The following CSMD1 variants were observed in gnomAD, a reference collection of about 807,000 sequenced individuals.
CSMD1 encodes the protein CUB and Sushi multiple domains 1.
CSMD1 carries 213 observed loss-of-function variants against 417.5 expected under a neutral mutation model. The observed-to-expected ratio is 0.51, with a 90% confidence interval of 0.46 to 0.57. CSMD1 has a LOEUF of 0.57. Ranked by LOEUF, CSMD1 falls within the 20% of genes least tolerant of loss-of-function variation. The pLI, the probability that CSMD1 is intolerant of heterozygous loss-of-function variation, is 0.00. For missense variants in CSMD1, 6,923 were observed against 4,529.7 expected (o/e 1.53, Z -15.17); for synonymous variants, 2,862 against 1,736.8 (o/e 1.65, Z -16.11).
intron 3 of CSMD1, among the ~76,000 whole-genome samples, chr8:4,121,953 T>C (rs1316337479): frequency 6.6e-6 from 1 of 152,082 alleles, no homozygotes; most frequent in African/African-American, 2.4e-5. Context: ...GATTAGTGAA[T>C]TTAAATTTTA....
intron 1 of CSMD1, among the ~76,000 whole-genome samples, chr8:4,751,417 G>C (rs1189137094): frequency 6.6e-6 from 1 of 152,016 alleles, no homozygotes; most frequent in African/African-American, 2.4e-5. Flanking sequence ...CAGGAAAAGA[G>C]AGCATCTCTA....
intron 1 of CSMD1, among the ~76,000 whole-genome samples, chr8:4,887,992 G>C (rs907848110): frequency 1.3e-5 from 2 of 151,816 alleles, no homozygotes; most frequent in African/African-American, 2.4e-5. Flanking sequence ...TAACAATATA[G>C]GCTTACATGC....
At chr8:3,836,753 A>C (rs1172836275) in intron 5 of CSMD1, among the ~76,000 whole-genome samples, 2 of 151,970 alleles carry the variant, frequency 1.3e-5, no homozygotes, top group Non-Finnish European at 2.9e-5. Flanking sequence ...TTCAGGGCAA[A>C]AAAATGTATT....
intron 6 of CSMD1, among the ~76,000 whole-genome samples, chr8:3,749,014 A>T (rs1222787735): frequency 6.6e-6 from 1 of 152,250 alleles, no homozygotes; most frequent in Non-Finnish European, 1.5e-5. Flanking sequence ...TTGTAATTTT[A>T]TAAACAGCCG....
At chr8:4,478,326 GTTTAA>G (rs775829379) in intron 2 of CSMD1, among the ~76,000 whole-genome samples, 8 of 152,176 alleles carry the variant, frequency 5.3e-5, no homozygotes, top group Admixed American at 2.0e-4. Flanking sequence ...TCATGTGACA[GTTTAA>G]TTTATTTTTA....
intron 10 of CSMD1, among the ~76,000 whole-genome samples, chr8:3,558,127 C>T (rs1825180): frequency 0.2 from 29,190 of 147,176 alleles, 2,153 homozygotes; most frequent in East Asian, 0.31. Flanking sequence ...CAATGGTACC[C>T]CGTGTCCACT....
At chr8:3,249,737 G>A (rs1008348687) in intron 26 of CSMD1, among the ~76,000 whole-genome samples, 1 of 124,874 alleles carries the variant, frequency 8.0e-6, no homozygotes, top group Non-Finnish European at 1.7e-5. Flanking sequence ...CAAGAAGCAA[G>A]AGAATGTGTT....
chr8:3,425,929 G>C lies in CSMD1; in HGVS notation c.1562-16324C>G, dbSNP rs1466527042. On this transcript the variant is annotated intron_variant, in intron 12 of 69. Transcript: ENST00000635120. ...AAAGGTGAGTAATGGAATCTGCATTGTATTTCCCACTAGAATAAAAGGGGT... is the reference window on the plus strand; with the variant it reads ...AAAGGTGAGTAATGGAATCTGCATTCTATTTCCCACTAGAATAAAAGGGGT... 2.0e-5 allele frequency among the ~76,000 whole-genome samples: 3 copies of C among 152,202 alleles called. No homozygotes were observed. The South Asian group carries it at 6.2e-4, about 32-fold the overall frequency.
intron 2 of CSMD1, among the ~76,000 whole-genome samples, chr8:4,455,508 C>G (rs1799411874): frequency 6.6e-6 from 1 of 152,132 alleles, no homozygotes; most frequent in African/African-American, 2.4e-5. Flanking sequence ...TTCCATTTGT[C>G]TCTGCAGCTG....
At chr8:3,767,768 C>A (rs147479916) in intron 5 of CSMD1, among the ~76,000 whole-genome samples, 2 of 152,310 alleles carry the variant, frequency 1.3e-5, no homozygotes, top group Admixed American at 6.5e-5. Flanking sequence ...TAATGACACT[C>A]AGAGAACAGT....
chr8:4,294,200 G>A (rs73500700), intron 3 of CSMD1, among the ~76,000 whole-genome samples: 1 of 152,196 alleles, frequency 6.6e-6, no homozygotes, highest in African/African-American at 2.4e-5. Flanking sequence ...CCAATTTCAG[G>A]GACACCAAAA....
chr8:3,702,241 C>T (rs1800912356), intron 7 of CSMD1: 1 of 152,176 alleles, frequency 6.6e-6, no homozygotes, highest in Non-Finnish European at 1.5e-5. Flanking sequence ...TGCAAATGCT[C>T]CTCCGTACAC....
At chr8:4,536,040 C>T (rs533133875) in intron 2 of CSMD1, among the ~76,000 whole-genome samples, 1 of 152,232 alleles carries the variant, frequency 6.6e-6, no homozygotes, top group South Asian at 2.1e-4. Flanking sequence ...TTTTTGAAAA[C>T]AGCTGAAAAT....
intron 3 of CSMD1, among the ~76,000 whole-genome samples, chr8:4,189,441 C>T (rs1391603234): frequency 6.6e-6 from 1 of 152,108 alleles, no homozygotes; most frequent in Admixed American, 6.5e-5. Context: ...AACAGTAGTC[C>T]AGCAAAGTAT....
intron 5 of CSMD1, among the ~76,000 whole-genome samples, chr8:3,902,315 T>C (rs773270614): frequency 6.6e-6 from 1 of 152,196 alleles, no homozygotes; most frequent in African/African-American, 2.4e-5. Context: ...CTCCAACTAT[T>C]ACCCAGTAAG....
rs550156325 is a variant in CSMD1 at position 3,391,599 on chromosome 8, G to C, written c.2594-3917C>G. ...AGATGATTCCTAAGACTGAGTGCAT[G>C]AAGCAGAACTGCAATTCTAGGTTTG... On this transcript the variant is annotated intron_variant, in intron 17 of 69. Coordinates refer to ENST00000635120, the MANE Select transcript of CSMD1 (RefSeq NM_033225.6). Among the ~76,000 whole-genome samples, 214 of 152,300 alleles carry C rather than the reference G, an allele frequency of 1.4e-3. 1 individual carries two copies. Among genetic ancestry groups the C allele is most frequent in the Middle Eastern group, 6.8e-3 (2 of 294 alleles).
At chr8:3,564,149 G>T (rs545408342) in intron 10 of CSMD1, among the ~76,000 whole-genome samples, 1 of 152,110 alleles carries the variant, frequency 6.6e-6, no homozygotes, top group Non-Finnish European at 1.5e-5. Context: ...GTGTTTGGAA[G>T]ATTGAAATTA....
chr8:4,667,972 T>G (rs879929042), intron 1 of CSMD1, among the ~76,000 whole-genome samples: 1 of 152,262 alleles, frequency 6.6e-6, no homozygotes, highest in African/African-American at 2.4e-5. Context: ...CCATTGCATT[T>G]GTTAAAAATC....
At chr8:4,107,268 G>A (rs922476871) in intron 3 of CSMD1, among the ~76,000 whole-genome samples, 1 of 152,132 alleles carries the variant, frequency 6.6e-6, no homozygotes, top group Non-Finnish European at 1.5e-5. Context: ...GATTCAAAGT[G>A]CTTGCCATTT....
Sources: gnomAD v4.1 joint callset for allele counts (sites outside exome capture counted in the v4.1 genomes callset) on GRCh38, gnomAD v4.1.1 for gene constraint, MANE v1.5 for transcripts, NCBI Gene and HGNC (gene_info 2026-07-23, HGNC 2026-07-21) for gene names.